The following KSR2 variants were observed in gnomAD, a reference collection of about 807,000 sequenced individuals.
KSR2 encodes the protein kinase suppressor of ras 2.
Under a neutral mutation model 107.8 loss-of-function variants are expected in KSR2, and 25 were observed. The observed-to-expected ratio is 0.23, with a 90% CI of 0.17 to 0.32. The LOEUF (loss-of-function observed/expected upper bound fraction) is 0.32, where lower values mean the gene tolerates loss of function less well. Among genes scored for constraint, KSR2 ranks in the 10% least tolerant of loss-of-function variants. KSR2 has a pLI of 1.00. For missense variants in KSR2, 887 were observed against 1,268.9 expected, an observed-to-expected ratio of 0.70 and a Z score of 4.57; for synonymous variants, 480 against 507.0, an observed-to-expected ratio of 0.95 and a Z score of 0.71.
At chr12:117,539,667 T>A (rs1467005573) in intron 10 of KSR2, 52 bp downstream of exon 10, 13 of 1,401,676 alleles carry the variant, frequency 9.3e-6, no homozygotes, top group Non-Finnish European at 1.3e-5. Flanking sequence ...CCCTCCCTAA[T>A]CTCTGCCCCT....
At chr12:117,628,276 C>A (rs189901394) in intron 5 of KSR2, among the ~76,000 whole-genome samples, 3 of 152,152 alleles carry the variant, frequency 2.0e-5, no homozygotes, top group Non-Finnish European at 4.4e-5. Context: ...GGAGAAGAGG[C>A]GCTCTGATTT....
At chr12:117,620,266 C>T (rs1882116969) in intron 5 of KSR2, among the ~76,000 whole-genome samples, 1 of 152,154 alleles carries the variant, frequency 6.6e-6, no homozygotes, top group Non-Finnish European at 1.5e-5. Context: ...TCCTGGGAGT[C>T]AGAGTCATAT....
intron 16 of KSR2, among the ~76,000 whole-genome samples, chr12:117,483,624 T>C (rs1375261177): frequency 1.3e-5 from 2 of 152,186 alleles, no homozygotes; most frequent in Admixed American, 6.5e-5. Context: ...TTCTGAATTA[T>C]GGGTTGTTTA....
chr12:117,586,266 G>A (rs1307952172), intron 5 of KSR2, among the ~76,000 whole-genome samples: 1 of 146,952 alleles, frequency 6.8e-6, no homozygotes, highest in African/African-American at 2.6e-5. Context: ...AAAGGAAGAG[G>A]AGGAGAAGAA....
chr12:117,904,756 C>G (rs1381134604), intron 1 of KSR2, among the ~76,000 whole-genome samples: 1 of 152,192 alleles, frequency 6.6e-6, no homozygotes, highest in Non-Finnish European at 1.5e-5. Flanking sequence ...ATTCCAAACT[C>G]AAACCCTGCT....
intron 4 of KSR2, among the ~76,000 whole-genome samples, chr12:117,742,081 C>T (rs2136786882): frequency 6.6e-6 from 1 of 152,278 alleles, no homozygotes; most frequent in South Asian, 2.1e-4. Flanking sequence ...AACACCACTT[C>T]GCTTCTATAG....
intron 4 of KSR2, among the ~76,000 whole-genome samples, chr12:117,680,555 C>G (rs1185827481): frequency 6.6e-6 from 1 of 152,186 alleles, no homozygotes; most frequent in African/African-American, 2.4e-5. Flanking sequence ...TCTCTCTCTC[C>G]TCTCCTCCTC....
chr12:117,635,196 C>G (rs1012785066), intron 5 of KSR2, among the ~76,000 whole-genome samples: 2 of 152,126 alleles, frequency 1.3e-5, no homozygotes, highest in African/African-American at 4.8e-5. Flanking sequence ...TTCCTGTCTT[C>G]CCCACAGCCA....
intron 1 of KSR2, among the ~76,000 whole-genome samples, chr12:117,871,827 T>TG (rs1279716883): frequency 8.2e-6 from 1 of 121,806 alleles, no homozygotes; most frequent in African/African-American, 2.9e-5. Context: ...CAATAAGATA[T>TG]GGATTTTTTT....
intron 4 of KSR2, among the ~76,000 whole-genome samples, chr12:117,735,364 G>T (rs111725910): frequency 6.6e-6 from 1 of 152,286 alleles, no homozygotes; most frequent in Non-Finnish European, 1.5e-5. Context: ...GAAGCCTGGC[G>T]CCTGCCAGTG....
intron 5 of KSR2, among the ~76,000 whole-genome samples, chr12:117,642,027 T>C (rs1489096421): frequency 6.6e-6 from 1 of 152,184 alleles, no homozygotes; most frequent in Non-Finnish European, 1.5e-5. Context: ...CCATCCCCGT[T>C]CATCATCTGG....
intron 1 of KSR2, among the ~76,000 whole-genome samples, chr12:117,935,020 C>T (rs961477300): frequency 6.6e-6 from 1 of 151,138 alleles, no homozygotes; most frequent in African/African-American, 2.4e-5. Context: ...TAGAGACAGG[C>T]TCTTGCTACC....
intron 4 of KSR2, among the ~76,000 whole-genome samples, chr12:117,693,047 C>T (rs1489216336): frequency 4.6e-5 from 7 of 152,122 alleles, no homozygotes; most frequent in Non-Finnish European, 5.9e-5. Context: ...GTCGATCTCA[C>T]GTTATGTGAA....
chr12:117,828,333 C>A (rs951927446), intron 3 of KSR2, among the ~76,000 whole-genome samples: 4 of 152,202 alleles, frequency 2.6e-5, no homozygotes, highest in African/African-American at 9.7e-5. Flanking sequence ...CAGGTAGAAT[C>A]CTGGTGTTAT....
At chr12:117,499,345 C>T (rs1368888840) in intron 14 of KSR2, among the ~76,000 whole-genome samples, 1 of 152,206 alleles carries the variant, frequency 6.6e-6, no homozygotes, top group Non-Finnish European at 1.5e-5. Context: ...CCCCTTGCTG[C>T]TTATCTTTCT....
At chr12:117,954,177 T>C (rs1896442209) in intron 1 of KSR2, among the ~76,000 whole-genome samples, 1 of 152,122 alleles carries the variant, frequency 6.6e-6, no homozygotes, top group South Asian at 2.1e-4. Context: ...GTGAGCTTGA[T>C]GAGGTAGCAC....
intron 4 of KSR2, among the ~76,000 whole-genome samples, chr12:117,731,616 A>C (rs981670759): frequency 5.9e-5 from 9 of 152,172 alleles, no homozygotes; most frequent in Non-Finnish European, 1.3e-4. Flanking sequence ...TGGGGAAAAG[A>C]AAGAGAGATC....
At chr12:117,914,679 C>T (rs527881816) in intron 1 of KSR2, among the ~76,000 whole-genome samples, 14 of 152,234 alleles carry the variant, frequency 9.2e-5, no homozygotes, top group East Asian at 7.8e-4. Flanking sequence ...GGACTACAGG[C>T]GTGTGCCACC....
intron 5 of KSR2, among the ~76,000 whole-genome samples, chr12:117,600,924 C>T (rs375730028): frequency 6.6e-5 from 10 of 152,198 alleles, no homozygotes; most frequent in African/African-American, 1.9e-4. Context: ...CCGGAAAGAG[C>T]GAGGTTACTG....
Sources: gnomAD v4.1 joint callset for allele counts (sites outside exome capture counted in the v4.1 genomes callset) on GRCh38, gnomAD v4.1.1 for gene constraint, MANE v1.5 for transcripts, NCBI Gene and HGNC (gene_info 2026-07-23, HGNC 2026-07-21) for gene names.